The following HEMK2 variants were observed in gnomAD, a reference collection of about 807,000 sequenced individuals.
HEMK2 encodes methyltransferase HEMK2.
the HEMK2 span, among the ~76,000 whole-genome samples, chr21:28,658,328 G>A: frequency 2.0e-5 from 3 of 151,998 alleles, no homozygotes; most frequent in African/African-American, 2.4e-5. Flanking sequence ...AAAAATGCCC[G>A]AAACCAATAG....
At chr21:28,781,273 T>C in the HEMK2 span, among the ~76,000 whole-genome samples, 13 of 152,356 alleles carry the variant, frequency 8.5e-5, no homozygotes, top group Middle Eastern at 6.8e-3. Flanking sequence ...AATTAGAAGA[T>C]AGCTTTGTAT....
chr21:28,708,505 T>TG, the HEMK2 span, among the ~76,000 whole-genome samples: 3 of 152,188 alleles, frequency 2.0e-5, no homozygotes, highest in African/African-American at 4.8e-5. Flanking sequence ...AGATATCATG[T>TG]GGGCACAGGT....
At chr21:28,716,436 A>G in the HEMK2 span, among the ~76,000 whole-genome samples, 4 of 152,022 alleles carry the variant, frequency 2.6e-5, no homozygotes, top group Non-Finnish European at 5.9e-5. Flanking sequence ...TCTCAGCTTG[A>G]ACACTATTGA....
the HEMK2 span, among the ~76,000 whole-genome samples, chr21:28,737,105 G>T: frequency 6.6e-6 from 1 of 151,986 alleles, no homozygotes. Flanking sequence ...AAGTTTGTTG[G>T]TTGGTTGGTT....
At chr21:28,637,637 C>T in the HEMK2 span, among the ~76,000 whole-genome samples, 4 of 152,160 alleles carry the variant, frequency 2.6e-5, no homozygotes, top group Non-Finnish European at 5.9e-5. Flanking sequence ...GAGACTTGAG[C>T]AGCCTTCTTG....
chr21:28,862,564 G>C, the HEMK2 span, among the ~76,000 whole-genome samples: 2 of 124,890 alleles, frequency 1.6e-5, no homozygotes, highest in Admixed American at 7.5e-5. Context: ...GCGTGAACCC[G>C]GGAAGCGGAG....
the HEMK2 span, among the ~76,000 whole-genome samples, chr21:28,868,981 T>G: frequency 6.6e-6 from 1 of 152,204 alleles, no homozygotes; most frequent in Non-Finnish European, 1.5e-5. Context: ...CTTTCATTTT[T>G]TTTTTTCTTT....
the HEMK2 span, among the ~76,000 whole-genome samples, chr21:28,660,082 T>C: frequency 6.6e-6 from 1 of 152,006 alleles, no homozygotes; most frequent in Admixed American, 6.6e-5. Flanking sequence ...TTGTTCATGG[T>C]ATTATTTTTA....
chr21:28,864,913 T>TATAGATAGATAGATAGATAA, the HEMK2 span, among the ~76,000 whole-genome samples: 2 of 144,088 alleles, frequency 1.4e-5, no homozygotes, highest in East Asian at 4.3e-4. Context: ...AGATAGATGA[T>TATAGATAGATAGATAGATAA]ATAGATAGAT....
chr21:28,663,109 A>T, the HEMK2 span, among the ~76,000 whole-genome samples: 3 of 152,218 alleles, frequency 2.0e-5, no homozygotes, highest in Non-Finnish European at 4.4e-5. Context: ...ATACACAAAG[A>T]ATAATCTGAT....
At chr21:28,805,466 GTAAAAAGAGTTGA>G in the HEMK2 span, among the ~76,000 whole-genome samples, 2 of 152,136 alleles carry the variant, frequency 1.3e-5, no homozygotes, top group South Asian at 2.1e-4. Flanking sequence ...CCTCTATAAA[GTAAAAAGAGTTGA>G]TTGAAACCAA....
At chr21:28,863,103 G>T in the HEMK2 span, among the ~76,000 whole-genome samples, 2 of 152,056 alleles carry the variant, frequency 1.3e-5, no homozygotes, top group Non-Finnish European at 2.9e-5. Flanking sequence ...TGAGGGTGTT[G>T]CCAAAGGAGA....
the HEMK2 span, among the ~76,000 whole-genome samples, chr21:28,827,806 CT>C: frequency 6.6e-6 from 1 of 152,256 alleles, no homozygotes; most frequent in East Asian, 1.9e-4. Flanking sequence ...TTGCATGCTG[CT>C]TTTAATACTT....
chr21:28,747,580 C>T, the HEMK2 span, among the ~76,000 whole-genome samples: 1 of 152,222 alleles, frequency 6.6e-6, no homozygotes, highest in Non-Finnish European at 1.5e-5. Context: ...AATACTCCTA[C>T]CCCACTACCT....
the HEMK2 span, among the ~76,000 whole-genome samples, chr21:28,613,619 C>CTTTTTTTTTTTTTTTT: frequency 2.9e-4 from 24 of 82,702 alleles, 4 homozygotes; most frequent in African/African-American, 7.3e-4. Context: ...TCTGCATATT[C>CTTTTTTTTTTTTTTTT]TTTTTTTTTT....
the HEMK2 span, among the ~76,000 whole-genome samples, chr21:28,594,734 A>C: frequency 2.6e-5 from 4 of 152,230 alleles, no homozygotes. Flanking sequence ...TCCTTTGTAG[A>C]CAGCACTTAG....
At chr21:28,838,466 G>A in the HEMK2 span, among the ~76,000 whole-genome samples, 3 of 151,594 alleles carry the variant, frequency 2.0e-5, no homozygotes, top group African/African-American at 7.3e-5. Flanking sequence ...CCCAGGAGGT[G>A]GAGCTTGCAG....
chr21:28,647,321 TAA>T, the HEMK2 span, among the ~76,000 whole-genome samples: 10 of 46,416 alleles, frequency 2.2e-4, no homozygotes, highest in South Asian at 9.9e-4. Context: ...CCATCTCTAC[TAA>T]AAAAAAAAAA....
the HEMK2 span, among the ~76,000 whole-genome samples, chr21:28,784,115 T>C: frequency 2.0e-5 from 3 of 152,096 alleles, no homozygotes; most frequent in South Asian, 4.2e-4. Flanking sequence ...CCTGGTCCCA[T>C]CGACCACCCA....
Sources: allele counts gnomAD v4.1 joint callset (sites outside exome capture counted in the v4.1 genomes callset), GRCh38; gene constraint gnomAD v4.1.1; transcripts MANE v1.5; gene names NCBI Gene and HGNC (gene_info 2026-07-23, HGNC 2026-07-21).